The following ADGRB3 variants were observed in gnomAD, a reference collection of about 807,000 sequenced individuals.
The protein encoded by ADGRB3 is adhesion G protein-coupled receptor B3, also known as brain-specific angiogenesis inhibitor 3.
In ADGRB3, 37 loss-of-function variants were observed where a neutral mutation model predicts 193.4. That is an observed-to-expected ratio of 0.19 (90% CI 0.15 to 0.25). The LOEUF (loss-of-function observed/expected upper bound fraction) is 0.25. Ranked by LOEUF, ADGRB3 falls within the 10% of genes least tolerant of loss-of-function variation. ADGRB3 has a pLI of 1.00. For synonymous variants in ADGRB3, 690 were observed against 644.2 expected, an observed-to-expected ratio of 1.07 and a Z score of -1.08; for missense variants, 1,637 against 1,852.9, an observed-to-expected ratio of 0.88 and a Z score of 2.14.
rs190910016 is a variant in ADGRB3, at chr6:68,647,690, T to C, written c.757+8258T>C. ...ATCCTGGGCCTGGAAAGCTGTCCTT[T>C]GAATATCATTGCTGATCGGCAGCAA... On this transcript the variant is annotated intron_variant, in intron 3 of 31. Coordinates refer to ENST00000370598, the MANE Select transcript of ADGRB3 (RefSeq NM_001704.3). Among the ~76,000 whole-genome samples, 267 of 152,334 alleles carry C rather than the reference T, an allele frequency of 1.8e-3. 1 individual carries two copies. Among genetic ancestry groups the C allele is most frequent in the African/African-American group, 6.0e-3 (250 of 41,592 alleles).
intron 22 of ADGRB3, among the ~76,000 whole-genome samples, chr6:69,328,203 T>TA (rs1768623183): frequency 2.0e-5 from 3 of 152,198 alleles, no homozygotes; most frequent in Admixed American, 6.5e-5. Flanking sequence ...TTGACATACT[T>TA]ACTTTTTAGA....
At chr6:69,007,722 CA>C (rs1268392396) in intron 11 of ADGRB3, among the ~76,000 whole-genome samples, 5 of 151,570 alleles carry the variant, frequency 3.3e-5, no homozygotes, top group Non-Finnish European at 7.4e-5. Context: ...CACACACACA[CA>C]CACACCCTGC....
At chr6:68,824,566 A>G (rs950090063) in intron 3 of ADGRB3, among the ~76,000 whole-genome samples, 56 of 148,362 alleles carry the variant, frequency 3.8e-4, no homozygotes, top group Middle Eastern at 3.6e-3. Flanking sequence ...ATATAGCACA[A>G]TATGCAATAT....
intron 8 of ADGRB3, among the ~76,000 whole-genome samples, chr6:68,974,124 T>C (rs1209444643): frequency 6.6e-6 from 1 of 152,170 alleles, no homozygotes; most frequent in East Asian, 1.9e-4. Flanking sequence ...TGTGCCTTTT[T>C]GTTTGTTGGA....
intron 30 of ADGRB3, among the ~76,000 whole-genome samples, chr6:69,374,133 C>T (rs1769763970): frequency 6.6e-6 from 1 of 152,016 alleles, no homozygotes; most frequent in Admixed American, 6.6e-5. Flanking sequence ...ATGATTACTA[C>T]AGGTGTCAAA....
rs534612373 is a variant in ADGRB3 at position 69,153,121 on chromosome 6, G to T, written c.2480+77083G>T. On this transcript the variant is annotated intron_variant, in intron 17 of 31. Coordinates refer to ENST00000370598, the MANE Select transcript of ADGRB3 (RefSeq NM_001704.3). The stretch of plus-strand genomic sequence containing the variant: ...TATATTTAAAATGTAGGAAACCTAT[G>T]AAACCCTGCATGCAAAACAATTGGA... Among the ~76,000 whole-genome samples, 15 of 152,062 alleles carry T rather than the reference G, an allele frequency of 9.9e-5. No homozygotes were observed. In the East Asian group the frequency reaches 1.2e-3, roughly 12 times the overall value.
intron 3 of ADGRB3, among the ~76,000 whole-genome samples, chr6:68,738,314 C>T (rs1765911586): frequency 6.6e-6 from 1 of 152,086 alleles, no homozygotes; most frequent in Non-Finnish European, 1.5e-5. Flanking sequence ...AGTATGAGGA[C>T]TTTGGCTGTC....
chr6:68,849,641 A>G (rs973040783), intron 3 of ADGRB3, among the ~76,000 whole-genome samples: 1 of 151,884 alleles, frequency 6.6e-6, no homozygotes, highest in Non-Finnish European at 1.5e-5. Context: ...CCACTCTCAA[A>G]CTCTCATTTT....
chr6:68,863,401 T>A lies in ADGRB3; in HGVS notation c.758-67158T>A, dbSNP rs62416370. Among the ~76,000 whole-genome samples, 468 of 152,154 alleles carry A rather than the reference T, an allele frequency of 3.1e-3. 1 individual carries two copies. The highest frequency in any genetic ancestry group is 5.7e-3 in the Non-Finnish European group (386 of 67,944). On this transcript the variant is annotated intron_variant, in intron 3 of 31. Transcript: ENST00000370598. ...AAGTTAATTGACAATACTTTAGCAA[T>A]TATAATAAGATAAATTATAATGTGT... is the stretch of plus-strand genomic sequence containing the variant.
intron 17 of ADGRB3, among the ~76,000 whole-genome samples, chr6:69,208,322 A>G (rs1765582374): frequency 6.6e-6 from 1 of 152,170 alleles, no homozygotes; most frequent in Non-Finnish European, 1.5e-5. Context: ...CCACTCAGGG[A>G]AGTCCACCAA....
intron 3 of ADGRB3, among the ~76,000 whole-genome samples, chr6:68,906,287 G>A (rs62416440): frequency 0.096 from 14,491 of 151,562 alleles, 914 homozygotes; most frequent in Non-Finnish European, 0.14. Context: ...AAGCAAGAAG[G>A]TATACCACAT....
chr6:68,896,066 G>A (rs1172242205), intron 3 of ADGRB3, among the ~76,000 whole-genome samples: 2 of 152,044 alleles, frequency 1.3e-5, no homozygotes, highest in Non-Finnish European at 2.9e-5. Context: ...TTTTTGTGCT[G>A]TTAAAAAGTA....
At chr6:68,771,545 T>A (rs1238833653) in intron 3 of ADGRB3, among the ~76,000 whole-genome samples, 4 of 152,118 alleles carry the variant, frequency 2.6e-5, no homozygotes, top group African/African-American at 9.7e-5. Flanking sequence ...TGAATATTTA[T>A]TACCTACTGT....
chr6:68,739,333 G>A (rs866013182), intron 3 of ADGRB3, among the ~76,000 whole-genome samples: 119 of 152,148 alleles, frequency 7.8e-4, no homozygotes, highest in African/African-American at 2.8e-3. Flanking sequence ...TCAAGTGAGG[G>A]TTTTGTTTAG....
At chr6:69,333,589 G>T (rs2127315388) in intron 24 of ADGRB3, among the ~76,000 whole-genome samples, 1 of 151,786 alleles carries the variant, frequency 6.6e-6, no homozygotes, top group Non-Finnish European at 1.5e-5. Context: ...ATAAAATTTA[G>T]AAAAGCATCT....
chr6:68,744,508 C>G (rs113071537), intron 3 of ADGRB3, among the ~76,000 whole-genome samples: 1 of 151,906 alleles, frequency 6.6e-6, no homozygotes. Context: ...CATTGATAGA[C>G]TGGGTAAAGA....
intron 12 of ADGRB3, 64 bp from the exon 13 acceptor site, chr6:69,018,327 C>A: frequency 6.1e-6 from 6 of 981,560 alleles, no homozygotes; most frequent in Non-Finnish European, 8.9e-6. Flanking sequence ...TAAAAAAATT[C>A]AGTTATATAT....
intron 17 of ADGRB3, among the ~76,000 whole-genome samples, chr6:69,210,149 CATAT>C (rs58586306): frequency 0.022 from 1,703 of 78,930 alleles, 223 homozygotes; most frequent in African/African-American, 0.094. Flanking sequence ...TAATATATAT[CATAT>C]ATATATATAT....
At chr6:69,279,356 C>T (rs943918728) in intron 20 of ADGRB3, among the ~76,000 whole-genome samples, 32 of 151,916 alleles carry the variant, frequency 2.1e-4, no homozygotes, top group African/African-American at 7.2e-4. Context: ...CTGCAGCTCA[C>T]TCTTGTTGCC....
Sources: gnomAD v4.1 joint callset for allele counts (sites outside exome capture counted in the v4.1 genomes callset) on GRCh38, gnomAD v4.1.1 for gene constraint, MANE v1.5 for transcripts, NCBI Gene and HGNC (gene_info 2026-07-23, HGNC 2026-07-21) for gene names.